ADAMTS19: variants seen among roughly 807,000 people sequenced by gnomAD.
The protein encoded by ADAMTS19 is A disintegrin and metalloproteinase with thrombospondin motifs 19.
A neutral mutation model predicts 153.3 loss-of-function variants in ADAMTS19; 93 were observed. The ratio of observed to expected loss-of-function variants is 0.61; its 90% CI spans 0.51 to 0.72. The LOEUF is 0.72. Among genes scored for constraint, ADAMTS19 ranks in the 30% least tolerant of loss-of-function variants. ADAMTS19 has a pLI of 0.00. For synonymous variants in ADAMTS19, 600 were observed against 556.6 expected, an observed-to-expected ratio of 1.08 and a Z score of -1.10; for missense variants, 1,482 against 1,552.1, an observed-to-expected ratio of 0.95 and a Z score of 0.76.
intron 2 of ADAMTS19, among the ~76,000 whole-genome samples, chr5:129,482,521 A>G (rs1252295768): frequency 6.6e-6 from 1 of 152,232 alleles, no homozygotes; most frequent in African/African-American, 2.4e-5. Context: ...CTTAATTCCC[A>G]AATTAATTAG....
rs1038561569 is a variant in ADAMTS19, at chr5:129,576,564, C to A, written c.1373-19995C>A. Among the ~76,000 whole-genome samples the A allele has an allele frequency of 2.0e-5, 3 of 151,484 alleles. No homozygotes were observed. In the South Asian group the frequency reaches 6.3e-4, roughly 32 times the overall value. ...AAATTGTCAATTTGTGTTATTTTCC[C>A]TCTAGTTTAAATTGCTTTATTCTTT... On this transcript the variant is annotated intron_variant, in intron 7 of 22. Coordinates refer to ENST00000274487, the MANE Select transcript of ADAMTS19 (RefSeq NM_133638.6).
intron 15 of ADAMTS19, among the ~76,000 whole-genome samples, chr5:129,661,448 T>TC (rs1753809341): frequency 6.6e-6 from 1 of 152,230 alleles, no homozygotes; most frequent in Non-Finnish European, 1.5e-5. Flanking sequence ...GACAATTTTA[T>TC]CCCTACAGTT....
At chr5:129,548,944 C>G (rs1752964642) in intron 6 of ADAMTS19, among the ~76,000 whole-genome samples, 1 of 144,236 alleles carries the variant, frequency 6.9e-6, no homozygotes, top group Admixed American at 7.4e-5. Context: ...CCAAACAGCA[C>G]ATGTTCTCAC....
intron 3 of ADAMTS19, among the ~76,000 whole-genome samples, chr5:129,522,312 T>C (rs1381770661): frequency 4.6e-4 from 44 of 95,254 alleles, no homozygotes; most frequent in South Asian, 3.4e-3. Flanking sequence ...TATATATATA[T>C]ATATACACAC....
chr5:129,563,246 G>A (rs937783300), intron 7 of ADAMTS19, among the ~76,000 whole-genome samples: 6 of 151,778 alleles, frequency 4.0e-5, no homozygotes, highest in African/African-American at 1.5e-4. Context: ...CTCAACCATA[G>A]AGAATTTCAG....
intron 7 of ADAMTS19, among the ~76,000 whole-genome samples, chr5:129,585,523 T>C (rs1749738005): frequency 6.6e-6 from 1 of 152,190 alleles, no homozygotes; most frequent in Non-Finnish European, 1.5e-5. Flanking sequence ...ACTTGTACTA[T>C]ATCCCTACTA....
intron 7 of ADAMTS19, among the ~76,000 whole-genome samples, chr5:129,591,535 C>T (rs1032285406): frequency 4.6e-5 from 7 of 151,942 alleles, no homozygotes; most frequent in Non-Finnish European, 1.0e-4. Context: ...TCAGGTGATC[C>T]ATCTGCCTCA....
intron 21 of ADAMTS19, among the ~76,000 whole-genome samples, chr5:129,710,112 G>A (rs1182187575): frequency 6.6e-6 from 1 of 151,962 alleles, no homozygotes. Flanking sequence ...TATTTATCCT[G>A]ATGCTCTTCC....
intron 2 of ADAMTS19, among the ~76,000 whole-genome samples, chr5:129,475,278 T>A (rs1011683087): frequency 3.3e-5 from 5 of 152,158 alleles, no homozygotes; most frequent in African/African-American, 1.2e-4. Context: ...ACTGTAAATT[T>A]TTCTCTTTGC....
At chr5:129,496,285 A>T (rs569940325) in intron 2 of ADAMTS19, among the ~76,000 whole-genome samples, 6 of 152,206 alleles carry the variant, frequency 3.9e-5, no homozygotes, top group Admixed American at 2.6e-4. Flanking sequence ...AAATTTCTTA[A>T]TTACTGTAAA....
chr5:129,687,309 C>T (rs1755139318), intron 18 of ADAMTS19, among the ~76,000 whole-genome samples: 1 of 152,036 alleles, frequency 6.6e-6, no homozygotes, highest in Admixed American at 6.6e-5. Context: ...TGTTAAAATC[C>T]ATTTACATTT....
chr5:129,554,895 T>C (rs1753261853), intron 7 of ADAMTS19, among the ~76,000 whole-genome samples: 1 of 152,130 alleles, frequency 6.6e-6, no homozygotes, highest in Non-Finnish European at 1.5e-5. Flanking sequence ...AGCATATATA[T>C]AGCTTATCAA....
At chr5:129,734,650 T>C (rs1271141810) in intron 21 of ADAMTS19, among the ~76,000 whole-genome samples, 1 of 152,026 alleles carries the variant, frequency 6.6e-6, no homozygotes, top group Non-Finnish European at 1.5e-5. Context: ...ATTCACTCTC[T>C]TTCTCTTCAA....
chr5:129,525,814 T>C (rs1751986715), intron 3 of ADAMTS19, among the ~76,000 whole-genome samples: 1 of 152,034 alleles, frequency 6.6e-6, no homozygotes, highest in East Asian at 1.9e-4. Flanking sequence ...TGCATAGTAA[T>C]TTAGTAATCA....
intron 6 of ADAMTS19, among the ~76,000 whole-genome samples, chr5:129,551,197 T>C (rs1753078594): frequency 6.6e-6 from 1 of 151,652 alleles, no homozygotes; most frequent in Admixed American, 6.6e-5. Context: ...TTTCATATAT[T>C]CTGCCCCCAA....
At chr5:129,538,298 T>C (rs1413257849) in intron 6 of ADAMTS19, among the ~76,000 whole-genome samples, 7 of 152,162 alleles carry the variant, frequency 4.6e-5, no homozygotes, top group Non-Finnish European at 1.0e-4. Flanking sequence ...GTGGTATTTC[T>C]TATGTATGCA....
intron 2 of ADAMTS19, among the ~76,000 whole-genome samples, chr5:129,492,619 A>G (rs1488423844): frequency 1.3e-5 from 2 of 152,018 alleles, no homozygotes; most frequent in African/African-American, 4.8e-5. Context: ...TTGAAAAAAA[A>G]GAGGGACTTG....
At chr5:129,696,847 G>A (rs910170366) in intron 19 of ADAMTS19, among the ~76,000 whole-genome samples, 2 of 152,134 alleles carry the variant, frequency 1.3e-5, no homozygotes, top group East Asian at 3.9e-4. Context: ...GGGTTGTAGA[G>A]ACCAAGGTTC....
chr5:129,637,359 T>A (rs531283508), intron 10 of ADAMTS19, among the ~76,000 whole-genome samples: 3 of 152,264 alleles, frequency 2.0e-5, no homozygotes, highest in East Asian at 3.9e-4. Flanking sequence ...AAAACCTAAT[T>A]TGGTCATGGA....
Sources: gnomAD v4.1 joint callset for allele counts (sites outside exome capture counted in the v4.1 genomes callset) on GRCh38, gnomAD v4.1.1 for gene constraint, MANE v1.5 for transcripts, NCBI Gene and HGNC (gene_info 2026-07-23, HGNC 2026-07-21) for gene names.